PKP4: variants seen among roughly 807,000 people sequenced by gnomAD.
PKP4 encodes the protein plakophilin 4.
A neutral mutation model predicts 145.1 loss-of-function variants in PKP4; 90 were observed. The observed-to-expected ratio is 0.62, with a 90% CI of 0.52 to 0.74. The LOEUF is 0.74. Among genes scored for constraint, PKP4 ranks in the 30% least tolerant of loss-of-function variants. PKP4 has a pLI of 0.00. For missense variants in PKP4, 1,340 were observed against 1,482.7 expected, an observed-to-expected ratio of 0.90 and a Z score of 1.58; for synonymous variants, 563 against 577.2, an observed-to-expected ratio of 0.98 and a Z score of 0.35.
rs565044628 is a variant in PKP4, at chr2:158,576,256, A to G, written c.133-1015A>G. On this transcript the variant is annotated intron_variant, in intron 2 of 21. Transcript: ENST00000389759. Reference sequence around the variant, plus strand: ...TTTTTAATGGCAAACGAATGTATACATATAATCATAAATAATATTTTAGGT... The same window carrying G: ...TTTTTAATGGCAAACGAATGTATACGTATAATCATAAATAATATTTTAGGT... Among the ~76,000 whole-genome samples the G allele has an allele frequency of 5.3e-5, 8 of 152,350 alleles. No individual in the cohort carries two copies. In the East Asian group the frequency reaches 9.6e-4, roughly 18 times the overall value.
At chr2:158,459,417 C>A (rs1689411511) in intron 1 of PKP4, among the ~76,000 whole-genome samples, 1 of 151,674 alleles carries the variant, frequency 6.6e-6, no homozygotes, top group African/African-American at 2.4e-5. Context: ...TTGTGTAGAT[C>A]ATGGACATTG....
chr2:158,498,814 GT>G (rs34272669), intron 1 of PKP4, among the ~76,000 whole-genome samples: 51,701 of 131,004 alleles, frequency 0.39, 9,689 homozygotes, highest in East Asian at 0.66. Flanking sequence ...GGTTGTGAGT[GT>G]TTTTTTTTTT....
At chr2:158,645,926 C>T (rs549326947) in intron 11 of PKP4, among the ~76,000 whole-genome samples, 1 of 152,270 alleles carries the variant, frequency 6.6e-6, no homozygotes, top group Non-Finnish European at 1.5e-5. Flanking sequence ...CTACCAAGGG[C>T]TTTTATGTAC....
intron 11 of PKP4, among the ~76,000 whole-genome samples, chr2:158,657,194 TACTC>T (rs1283816350): frequency 3.9e-5 from 6 of 152,164 alleles, no homozygotes; most frequent in Admixed American, 6.5e-5. Flanking sequence ...ACTTTCCTCT[TACTC>T]AGGAAGATGC....
chr2:158,672,011 A>C (rs1053753882), intron 17 of PKP4, among the ~76,000 whole-genome samples: 5 of 152,154 alleles, frequency 3.3e-5, no homozygotes, highest in Admixed American at 2.0e-4. Context: ...TGCTTGAGGA[A>C]CAGAGGGAAG....
chr2:158,516,579 C>A (rs1273445279), intron 1 of PKP4, among the ~76,000 whole-genome samples: 1 of 151,450 alleles, frequency 6.6e-6, no homozygotes, highest in Non-Finnish European at 1.5e-5. Flanking sequence ...TTAGCTAGTT[C>A]ATGTAGAAAG....
chr2:158,666,778 T>C, intron 16 of PKP4: 1 of 398,558 alleles, frequency 2.5e-6, no homozygotes, highest in Non-Finnish European at 4.4e-6. Context: ...GGAAGGTAAA[T>C]TTTCAGAAAG....
intron 17 of PKP4, 52 bp from the exon 18 acceptor site, chr2:158,673,625 G>A: frequency 7.6e-7 from 1 of 1,322,960 alleles, no homozygotes; most frequent in Non-Finnish European, 1.1e-6. Flanking sequence ...CCCTCTGAGT[G>A]GGGCTGAGGC....
At chr2:158,572,614 T>C (rs2047504922) in intron 2 of PKP4, among the ~76,000 whole-genome samples, 1 of 152,174 alleles carries the variant, frequency 6.6e-6, no homozygotes. Flanking sequence ...AACTACAACA[T>C]TGGCTAAAAC....
At chr2:158,590,108 T>C (rs2049126934) in intron 3 of PKP4, among the ~76,000 whole-genome samples, 1 of 152,172 alleles carries the variant, frequency 6.6e-6, no homozygotes, top group African/African-American at 2.4e-5. Context: ...TAATCTGTTT[T>C]TGCATAGATT....
At chr2:158,672,725 C>G (rs1419894681) in intron 17 of PKP4, among the ~76,000 whole-genome samples, 2 of 152,214 alleles carry the variant, frequency 1.3e-5, no homozygotes, top group African/African-American at 4.8e-5. Flanking sequence ...CTTTACCTGG[C>G]TCTGCTCACC....
At chr2:158,503,916 C>G (rs1329466517) in intron 1 of PKP4, among the ~76,000 whole-genome samples, 1 of 146,482 alleles carries the variant, frequency 6.8e-6, no homozygotes, top group Non-Finnish European at 1.5e-5. Context: ...GCTGATGGTG[C>G]TGGACCATAC....
At chr2:158,674,758 A>G (rs1373997547) in intron 19 of PKP4, among the ~76,000 whole-genome samples, 1 of 152,170 alleles carries the variant, frequency 6.6e-6, no homozygotes, top group East Asian at 1.9e-4. Flanking sequence ...TTCCAAAATG[A>G]GAAAGGAAAA....
intron 4 of PKP4, among the ~76,000 whole-genome samples, chr2:158,616,926 C>T (rs773425019): frequency 2.0e-5 from 3 of 152,142 alleles, no homozygotes; most frequent in Non-Finnish European, 2.9e-5. Flanking sequence ...TCTTCATGCA[C>T]ACACTGTATA....
intron 2 of PKP4, among the ~76,000 whole-genome samples, chr2:158,565,686 T>G (rs1162771603): frequency 6.6e-6 from 1 of 152,102 alleles, no homozygotes; most frequent in African/African-American, 2.4e-5. Flanking sequence ...AAGACTGAAA[T>G]CAGGGCTTTA....
chr2:158,549,194 C>T (rs541288929), intron 2 of PKP4: 5 of 184,244 alleles, frequency 2.7e-5, no homozygotes, highest in Admixed American at 1.6e-4. Context: ...AAAGGGCAAA[C>T]GCTAAAGGAC....
chr2:158,503,913 G>T (rs1696937295), intron 1 of PKP4, among the ~76,000 whole-genome samples: 1 of 149,650 alleles, frequency 6.7e-6, no homozygotes, highest in African/African-American at 2.5e-5. Context: ...ATTGCTGATG[G>T]TGCTGGACCA....
At chr2:158,582,564 C>T (rs2048418693) in intron 3 of PKP4, among the ~76,000 whole-genome samples, 2 of 152,112 alleles carry the variant, frequency 1.3e-5, no homozygotes, top group Non-Finnish European at 2.9e-5. Flanking sequence ...ATGAATTCCA[C>T]AATTCATGTG....
intron 2 of PKP4, among the ~76,000 whole-genome samples, chr2:158,575,478 T>A (rs186928971): frequency 6.6e-6 from 1 of 152,332 alleles, no homozygotes; most frequent in African/African-American, 2.4e-5. Flanking sequence ...ATGATAAAAA[T>A]TCATTCCTGT....
Sources: allele counts gnomAD v4.1 joint callset (sites outside exome capture counted in the v4.1 genomes callset), GRCh38; gene constraint gnomAD v4.1.1; transcripts MANE v1.5; gene names NCBI Gene and HGNC (gene_info 2026-07-23, HGNC 2026-07-21).